ASAP1: variants seen among roughly 807,000 people sequenced by gnomAD.
ASAP1 encodes the protein arf-GAP with SH3 domain, ANK repeat and PH domain-containing protein 1.
In ASAP1, 43 loss-of-function variants were observed where a neutral mutation model predicts 145.2. That is an observed-to-expected ratio of 0.30 (90% CI 0.23 to 0.38). ASAP1 has a LOEUF of 0.38. Among genes scored for constraint, ASAP1 ranks in the 10% least tolerant of loss-of-function variants. The probability of loss-of-function intolerance (pLI) is 1.00; values close to 1 mark genes in which losing one functional copy is unlikely to be tolerated. For missense variants in ASAP1, 1,018 were observed against 1,355.3 expected (o/e 0.75, Z 3.91); for synonymous variants, 546 against 515.5 (o/e 1.06, Z -0.80).
intron 24 of ASAP1, among the ~76,000 whole-genome samples, chr8:130,098,435 C>T (rs1397627823): frequency 6.6e-6 from 1 of 152,174 alleles, no homozygotes; most frequent in Non-Finnish European, 1.5e-5. Flanking sequence ...TGTCCACCTC[C>T]CGGGTTCAAG....
intron 25 of ASAP1, among the ~76,000 whole-genome samples, chr8:130,089,894 C>T (rs936880374): frequency 6.6e-6 from 1 of 152,096 alleles, no homozygotes; most frequent in Non-Finnish European, 1.5e-5. Flanking sequence ...AATCAAAAGT[C>T]CATGCCATGT....
At chr8:130,114,885 C>T (rs536698294) in intron 23 of ASAP1, among the ~76,000 whole-genome samples, 4 of 151,626 alleles carry the variant, frequency 2.6e-5, no homozygotes, top group Non-Finnish European at 5.9e-5. Flanking sequence ...AGCAATCCTC[C>T]TGCCTCAGCT....
At position 130,115,715 on chromosome 8, in the gene ASAP1, T is replaced by C; in HGVS notation, c.2085A>G (p.Gly695=). The C allele has an allele frequency of 6.2e-7, 1 of 1,613,978 alleles. No individual in the cohort carries two copies. The highest frequency in any genetic ancestry group is 8.5e-7 in the Non-Finnish European group (1 of 1,179,890). Residue 695 remains glycine, a synonymous_variant, in exon 23 of 30, where the codon GGA becomes GGG. Transcript: ENST00000518721. ...CTACGTGGACGTGTGGATTGAACTT[T>C]CCAGATTTAGCCTGGGAAAGCTGGA... ...CEDLLSQAKS[G]KFNPHVHVEY...
chr8:130,361,575 G>C, intron 2 of ASAP1: 3 of 950,238 alleles, frequency 3.2e-6, no homozygotes, highest in Non-Finnish European at 3.3e-6. Flanking sequence ...GCCAAGAAAG[G>C]AATATGCTCA....
At chr8:130,081,611 A>T (rs1425584882) in intron 25 of ASAP1, among the ~76,000 whole-genome samples, 1 of 152,092 alleles carries the variant, frequency 6.6e-6, no homozygotes, top group Non-Finnish European at 1.5e-5. Context: ...ACTGATCCTC[A>T]CTACACTGCA....
chr8:130,150,361 C>T (rs552382537), intron 13 of ASAP1, among the ~76,000 whole-genome samples: 1 of 152,206 alleles, frequency 6.6e-6, no homozygotes, highest in Admixed American at 6.5e-5. Flanking sequence ...AGCAAATTGC[C>T]CAAGGTCATA....
chr8:130,412,581 GATATTTCTTTATAACA>G (rs1565294978), intron 1 of ASAP1, among the ~76,000 whole-genome samples: 1 of 151,836 alleles, frequency 6.6e-6, no homozygotes, highest in African/African-American at 2.4e-5. Context: ...CCCAGTCTCC[GATATTTCTTTATAACA>G]ATGCAAGAAT....
intron 7 of ASAP1, among the ~76,000 whole-genome samples, chr8:130,185,872 C>A (rs1324021995): frequency 1.3e-5 from 2 of 151,888 alleles, no homozygotes; most frequent in Non-Finnish European, 2.9e-5. Context: ...ATACTAAGCA[C>A]CAGATACTTC....
At chr8:130,105,954 T>C (rs1411703810) in intron 24 of ASAP1, among the ~76,000 whole-genome samples, 4 of 152,224 alleles carry the variant, frequency 2.6e-5, no homozygotes, top group African/African-American at 7.2e-5. Flanking sequence ...GGGCTGATTC[T>C]TTAACAATTA....
intron 5 of ASAP1, among the ~76,000 whole-genome samples, chr8:130,204,072 T>C (rs1816044093): frequency 6.6e-6 from 1 of 152,150 alleles, no homozygotes; most frequent in Non-Finnish European, 1.5e-5. Flanking sequence ...GTCTGTGGCT[T>C]GTTAGGAACC....
At chr8:130,303,624 G>C (rs1209670027) in intron 3 of ASAP1, among the ~76,000 whole-genome samples, 1 of 152,054 alleles carries the variant, frequency 6.6e-6, no homozygotes, top group African/African-American at 2.4e-5. Context: ...AAGACATGGA[G>C]GAACCTTAAA....
intron 3 of ASAP1, among the ~76,000 whole-genome samples, chr8:130,292,105 T>C (rs1263586577): frequency 1.3e-5 from 2 of 152,180 alleles, no homozygotes; most frequent in Non-Finnish European, 2.9e-5. Context: ...TTCCTGCCCC[T>C]ACTACCCTTT....
chr8:130,320,421 G>A (rs9643252), intron 3 of ASAP1, among the ~76,000 whole-genome samples: 48,825 of 151,896 alleles, frequency 0.32, 9,129 homozygotes, highest in East Asian at 0.59. Context: ...CTGGTGTGGT[G>A]GTACTTGTCT....
chr8:130,300,178 AGAGAGAGAGC>A (rs1411287955), intron 3 of ASAP1, among the ~76,000 whole-genome samples: 6 of 149,646 alleles, frequency 4.0e-5, no homozygotes, highest in East Asian at 3.9e-4. Flanking sequence ...AGAGAGAGAG[AGAGAGAGAGC>A]GAGCGAGCGA....
At chr8:130,286,776 C>T (rs898806044) in intron 3 of ASAP1, among the ~76,000 whole-genome samples, 4 of 152,104 alleles carry the variant, frequency 2.6e-5, no homozygotes, top group African/African-American at 9.7e-5. Flanking sequence ...GTGCAACTGC[C>T]CAAACGAATG....
intron 7 of ASAP1, among the ~76,000 whole-genome samples, chr8:130,186,340 T>C (rs928520118): frequency 6.6e-6 from 1 of 152,222 alleles, no homozygotes; most frequent in African/African-American, 2.4e-5. Context: ...CTACTTTTTT[T>C]AATCCTGAAT....
rs1565097447 is a variant in ASAP1, at chr8:130,214,899, A to G, written c.260-198T>C. 5.3e-5 allele frequency among the ~76,000 whole-genome samples: 8 copies of G among 151,958 alleles called. No individual in the cohort carries two copies. The South Asian group carries it at 1.7e-3, about 32-fold the overall frequency. ...TCTACTAAGGAAGATTTTCCCTTTT[A>G]TCTTTTTTTCTTTTTTTTTGAGACA... On this transcript the variant is annotated intron_variant, in intron 4 of 29. Transcript: ENST00000518721.
At position 130,310,638 on chromosome 8, in the gene ASAP1, G is replaced by T. The variant is rs118128625; in HGVS notation, c.186+47379C>A. Reference sequence around the variant, plus strand: ...CATATCAGCAATCTAGTTAAAAATGGGTCACACTATTTATAGAGTCAATCA... The same window carrying T: ...CATATCAGCAATCTAGTTAAAAATGTGTCACACTATTTATAGAGTCAATCA... On this transcript the variant is annotated intron_variant, in intron 3 of 29. Transcript: ENST00000518721. 4.7e-3 allele frequency among the ~76,000 whole-genome samples: 707 copies of T among 151,848 alleles called. 21 individuals carry two copies. The East Asian group carries it at 0.074, about 16-fold the overall frequency.
At chr8:130,125,829 C>G in intron 17 of ASAP1, 127 bp downstream of exon 17, 1 of 978,366 alleles carries the variant, frequency 1.0e-6, no homozygotes, top group Non-Finnish European at 1.4e-6. Context: ...AACGTCTACG[C>G]AAACTCACAA....
Sources: gnomAD v4.1 joint callset for allele counts (sites outside exome capture counted in the v4.1 genomes callset) on GRCh38, gnomAD v4.1.1 for gene constraint, MANE v1.5 for transcripts, NCBI Gene and HGNC (gene_info 2026-07-23, HGNC 2026-07-21) for gene names.